AP1S2: variants seen among roughly 807,000 people sequenced by gnomAD.
AP1S2 encodes adaptor related protein complex 1 subunit sigma 2.
In AP1S2, 1 loss-of-function variant was observed where a neutral mutation model predicts 14.3. The observed-to-expected ratio is 0.07, with a 90% CI of 0.02 to 0.33. AP1S2 has a LOEUF of 0.33. Among genes scored for constraint, AP1S2 ranks in the 10% least tolerant of loss-of-function variants. The pLI, the probability that AP1S2 is intolerant of heterozygous loss-of-function variation, is 0.99. For missense variants in AP1S2, 30 were observed against 117.7 expected (o/e 0.25, Z 3.45); for synonymous variants, 30 against 40.5 (o/e 0.74, Z 0.99).
At chrX:15,854,526 G>A (rs936054640) in intron 1 of AP1S2, among the ~76,000 whole-genome samples, 162 bp downstream of exon 1, 12 of 111,833 alleles carry the variant, frequency 1.1e-4, no homozygotes, top group African/African-American at 2.6e-4. Context: ...CGGAGGGCGC[G>A]GACACGGAGA....
intron 4 of AP1S2, chrX:15,832,862 T>C (rs1194317692): frequency 1.0e-5 from 10 of 991,699 alleles, no homozygotes; most frequent in Middle Eastern, 5.5e-4. Flanking sequence ...TGCTAAAATA[T>C]AAATAACAAA....
At chrX:15,831,598 A>G (rs1933438068) in intron 4 of AP1S2, 1 of 781,478 alleles carries the variant, frequency 1.3e-6, no homozygotes, top group African/African-American at 2.3e-5. Context: ...ATTCTTACAC[A>G]CAGTATACAA....
intron 4 of AP1S2, chrX:15,844,977 T>G (rs917907112): frequency 1.3e-6 from 1 of 746,532 alleles, no homozygotes; most frequent in African/African-American, 2.3e-5. Context: ...TGTCATAATC[T>G]CATAGTCAAC....
intron 4 of AP1S2, among the ~76,000 whole-genome samples, chrX:15,843,330 C>T (rs896579520): frequency 1.8e-5 from 2 of 111,483 alleles, no homozygotes; most frequent in Non-Finnish European, 3.8e-5. Context: ...CCAAGGGGGA[C>T]GGATCATTTG....
At chrX:15,832,795 T>C (rs1166924811) in intron 4 of AP1S2, 34 of 912,503 alleles carry the variant, frequency 3.7e-5, no homozygotes, top group Non-Finnish European at 4.7e-5. Context: ...AATACCAGTT[T>C]AATGAAGTAA....
chrX:15,851,499 A>G (rs1226738187), intron 2 of AP1S2, among the ~76,000 whole-genome samples: 1 of 112,398 alleles, frequency 8.9e-6, no homozygotes, highest in Non-Finnish European at 1.9e-5. Flanking sequence ...CTTATCTTAA[A>G]TTCAGCAAAT....
At chrX:15,849,861 G>A (rs1021950150) in intron 2 of AP1S2, among the ~76,000 whole-genome samples, 2 of 111,121 alleles carry the variant, frequency 1.8e-5, no homozygotes, top group Non-Finnish European at 1.9e-5. Context: ...TTACCACCTC[G>A]TCTCCTGTCC....
At chrX:15,850,486 G>T (rs1259490341) in intron 2 of AP1S2, among the ~76,000 whole-genome samples, 6 of 107,219 alleles carry the variant, frequency 5.6e-5, no homozygotes, top group African/African-American at 2.0e-4. Flanking sequence ...AGAGCAGCTA[G>T]GAATACAGGT....
At chrX:15,841,892 A>T (rs1341593503) in intron 4 of AP1S2, among the ~76,000 whole-genome samples, 1 of 112,195 alleles carries the variant, frequency 8.9e-6, no homozygotes, top group African/African-American at 3.2e-5. Context: ...CACAGTGGTT[A>T]AGATTTTACA....
intron 4 of AP1S2, among the ~76,000 whole-genome samples, chrX:15,828,834 A>G (rs966888977): frequency 9.0e-6 from 1 of 111,381 alleles, no homozygotes; most frequent in Non-Finnish European, 1.9e-5. Flanking sequence ...GAGACTTAAA[A>G]CGCACATCAA....
At chrX:15,848,192 G>A (rs1052268505) in intron 2 of AP1S2, among the ~76,000 whole-genome samples, 7 of 111,567 alleles carry the variant, frequency 6.3e-5, no homozygotes, top group African/African-American at 2.3e-4. Context: ...GGATAATAAT[G>A]TACCTCTTTC....
At chrX:15,833,196 G>A (rs1393215003) in intron 4 of AP1S2, 6 of 751,790 alleles carry the variant, frequency 8.0e-6, no homozygotes, top group South Asian at 1.4e-4. Flanking sequence ...GAGAGCTTAC[G>A]CTCATTAAAA....
At chrX:15,830,565 T>C in intron 4 of AP1S2, 1 of 664,804 alleles carries the variant, frequency 1.5e-6, no homozygotes, top group Admixed American at 8.7e-5. Flanking sequence ...ATGAATTCTT[T>C]TCCTTTTATA....
At position 15,852,572 on chromosome X, in the gene AP1S2, T is replaced by C. The variant is rs752785754; in HGVS notation, c.1-48A>G. The C allele has an allele frequency of 1.7e-5, 19 of 1,114,271 alleles. No individual in the cohort carries two copies. In the Admixed American group the frequency reaches 4.5e-4, roughly 26 times the overall value. 91.8% of individuals were successfully genotyped at this position (1,114,271 alleles called of 1,213,427 possible). A position where few individuals can be genotyped will look rare whatever the true frequency, so the allele number is the denominator to read the frequency against. ...GATTACATGTAATACTTTGAATCAA[T>C]AAAGTTAAGATTATGTGTTTCACAG... On this transcript the variant is annotated intron_variant, in intron 1 of 5. Transcript: ENST00000672987.
chrX:15,839,195 T>TA (rs1250691968), intron 4 of AP1S2, among the ~76,000 whole-genome samples: 2 of 112,072 alleles, frequency 1.8e-5, no homozygotes, highest in African/African-American at 6.5e-5. Context: ...AGTTTACCTA[T>TA]AAAAAAACTA....
chrX:15,841,501 C>A (rs1933831461), intron 4 of AP1S2, among the ~76,000 whole-genome samples: 1 of 111,779 alleles, frequency 8.9e-6, no homozygotes, highest in South Asian at 3.7e-4. Context: ...ATCTTCACAG[C>A]TATATTTACA....
chrX:15,830,346 T>C, intron 4 of AP1S2: 1 of 754,103 alleles, frequency 1.3e-6, no homozygotes, highest in Non-Finnish European at 1.6e-6. Context: ...CCCACCTGAT[T>C]GATAGCACAT....
At chrX:15,837,945 A>T (rs776052514) in intron 4 of AP1S2, among the ~76,000 whole-genome samples, 20 of 111,552 alleles carry the variant, frequency 1.8e-4, no homozygotes, top group Non-Finnish European at 3.2e-4. Flanking sequence ...TCTTAAGCAC[A>T]TTTATCCTTT....
intron 1 of AP1S2, chrX:15,852,801 T>C: frequency 2.8e-6 from 2 of 713,114 alleles, no homozygotes; most frequent in Non-Finnish European, 3.3e-6. Context: ...AGTGAAATTT[T>C]TGAAGAAAAA....
Sources: allele counts gnomAD v4.1 joint callset (sites outside exome capture counted in the v4.1 genomes callset), GRCh38; gene constraint gnomAD v4.1.1; transcripts MANE v1.5; gene names NCBI Gene and HGNC (gene_info 2026-07-23, HGNC 2026-07-21).